The following FOXP2 variants were observed in gnomAD, a reference collection of about 807,000 sequenced individuals.
The protein encoded by FOXP2 is forkhead box P2.
FOXP2 carries 12 observed loss-of-function variants against 115.8 expected under a neutral mutation model. The ratio of observed to expected loss-of-function variants is 0.10; its 90% CI spans 0.07 to 0.17. The LOEUF (loss-of-function observed/expected upper bound fraction) is 0.17. Ranked by LOEUF, FOXP2 falls within the 10% of genes least tolerant of loss-of-function variation. The pLI is 1.00. For synonymous variants in FOXP2, 328 were observed against 297.7 expected (o/e 1.10, Z -1.05); for missense variants, 629 against 843.5 (o/e 0.75, Z 3.15).
chr7:114,569,018 T>C (rs1296063115), intron 3 of FOXP2, among the ~76,000 whole-genome samples: 4 of 151,964 alleles, frequency 2.6e-5, no homozygotes, highest in Admixed American at 1.3e-4. Flanking sequence ...TAGAGTTTAA[T>C]TTTCAGTATT....
upstream of FOXP2, among the ~76,000 whole-genome samples, chr7:114,159,398 G>A (rs553800843): frequency 1.6e-4 from 25 of 151,718 alleles, no homozygotes; most frequent in East Asian, 3.5e-3. Context: ...CTCTGAGAAC[G>A]TCTATATAAA....
At chr7:114,408,791 A>T (rs1305092037) in intron 2 of FOXP2, among the ~76,000 whole-genome samples, 1 of 152,092 alleles carries the variant, frequency 6.6e-6, no homozygotes, top group Non-Finnish European at 1.5e-5. Context: ...TTATCTTTTC[A>T]TATCAGCAGT....
At chr7:114,202,777 A>T (rs1033382578) in intron 1 of FOXP2, among the ~76,000 whole-genome samples, 10 of 152,168 alleles carry the variant, frequency 6.6e-5, no homozygotes, top group Non-Finnish European at 8.8e-5. Context: ...CGTTTTGAGG[A>T]TTAAATGAGA....
intron 2 of FOXP2, among the ~76,000 whole-genome samples, chr7:114,348,439 G>A (rs941319112): frequency 2.0e-5 from 3 of 150,978 alleles, no homozygotes; most frequent in East Asian, 1.9e-4. Flanking sequence ...GTTCAAATTC[G>A]TCTCCCATAG....
At chr7:114,532,770 A>G (rs1436139191) in intron 2 of FOXP2, among the ~76,000 whole-genome samples, 1 of 151,882 alleles carries the variant, frequency 6.6e-6, no homozygotes. Flanking sequence ...GAAAAGAAAA[A>G]AAAACTACAT....
At chr7:114,525,335 G>A (rs574078936) in intron 2 of FOXP2, among the ~76,000 whole-genome samples, 1 of 152,208 alleles carries the variant, frequency 6.6e-6, no homozygotes, top group South Asian at 2.1e-4. Flanking sequence ...ATCCTCTCTG[G>A]CTTCACAAAT....
rs889178260 is a variant in FOXP2 at position 114,642,557 on chromosome 7, C to T, written c.923C>T (p.Ser308Leu). Residue 308 changes from serine to leucine, a missense_variant, in exon 7 of 17, where the codon TCA (serine) becomes TTA (leucine). Physicochemically the swap from Ser to Leu is moderately radical, Grantham distance 145. This residue lies in a region of FOXP2 where 92 missense variants were observed against 80.1 expected (regional missense o/e 1.15). Transcript: ENST00000350908. ...ACCTCCTCCAACACTTCCAAAGCAT[C>T]ACCACCAATAACTCATCATTCCATA... ...STTSSNTSKA[S>L]PPITHHSIVN... 22 of 1,613,718 alleles carry T rather than the reference C, an allele frequency of 1.4e-5. No individual in the cohort carries two copies. Among genetic ancestry groups the T allele is most frequent in the Non-Finnish European group, 1.8e-5 (21 of 1,179,944 alleles).
chr7:114,528,062 C>A (rs1435880001), intron 2 of FOXP2, among the ~76,000 whole-genome samples: 1 of 152,042 alleles, frequency 6.6e-6, no homozygotes, highest in Non-Finnish European at 1.5e-5. Flanking sequence ...TGCTATATAA[C>A]ATGAAGACTC....
intron 8 of FOXP2, among the ~76,000 whole-genome samples, chr7:114,647,125 CTTTAA>C (rs1805957804): frequency 6.6e-6 from 1 of 151,818 alleles, no homozygotes; most frequent in South Asian, 2.1e-4. Flanking sequence ...ACAGCTTCGA[CTTTAA>C]TTTGATATCA....
chr7:114,170,146 TC>T (rs1793099246), intron 1 of FOXP2, among the ~76,000 whole-genome samples: 1 of 152,212 alleles, frequency 6.6e-6, no homozygotes. Flanking sequence ...ATGAAACTTT[TC>T]ATGTTATTAT....
intron 3 of FOXP2, among the ~76,000 whole-genome samples, chr7:114,603,401 C>T (rs1049837343): frequency 3.3e-5 from 5 of 152,220 alleles, no homozygotes; most frequent in Non-Finnish European, 7.3e-5. Context: ...TGATTTGCCT[C>T]CTCAGGATGA....
chr7:114,661,403 G>C (rs1331939614), intron 13 of FOXP2, among the ~76,000 whole-genome samples: 1 of 151,892 alleles, frequency 6.6e-6, no homozygotes, highest in Non-Finnish European at 1.5e-5. Context: ...TAATCATTAT[G>C]GGAAGAAAAT....
chr7:114,397,945 A>T (rs997042193), intron 2 of FOXP2, among the ~76,000 whole-genome samples: 1 of 152,196 alleles, frequency 6.6e-6, no homozygotes, highest in African/African-American at 2.4e-5. Flanking sequence ...CCAGCAGTTT[A>T]TATGAAAGAA....
intron 1 of FOXP2, among the ~76,000 whole-genome samples, chr7:114,172,394 T>C (rs1189083106): frequency 6.6e-6 from 1 of 152,184 alleles, no homozygotes; most frequent in African/African-American, 2.4e-5. Context: ...ATTTTTATGG[T>C]AGTGCAGCCA....
chr7:114,127,459 G>A (rs938152146), intron 1 of FOXP2, among the ~76,000 whole-genome samples: 1 of 152,240 alleles, frequency 6.6e-6, no homozygotes, highest in Non-Finnish European at 1.5e-5. Context: ...GGGTGCATAG[G>A]CCTATTCTAT....
rs763871589 is a variant in FOXP2, at chr7:114,628,693, T to C, written c.396+16T>C. ...GCTGCAGCAGGTAATGTGGGTTACC[T>C]GCTTTGGTGTTCTAGCATGACTTAG... On this transcript the variant is annotated intron_variant, in intron 4 of 16. Coordinates refer to ENST00000350908, the MANE Select transcript of FOXP2 (RefSeq NM_014491.4). The C allele has an allele frequency of 6.2e-7, 1 of 1,613,914 alleles. No homozygotes were observed.
rs553210241 is a variant in FOXP2, at chr7:114,692,200, A to T, written c.*2274A>T. On this transcript the variant is annotated 3_prime_UTR_variant, in exon 17 of 17. Transcript: ENST00000350908. Reference sequence around the variant, plus strand: ...GTTCAAAAGGCTTTGAGGGACTGGAAGTAACTGCGAGAGTTGTACCATCAG... The same window carrying T: ...GTTCAAAAGGCTTTGAGGGACTGGATGTAACTGCGAGAGTTGTACCATCAG... 72 of 453,990 alleles carry T rather than the reference A, an allele frequency of 1.6e-4. No homozygotes were observed. The highest frequency in any genetic ancestry group is 1.3e-3 in the African/African-American group (65 of 50,110). 28.1% of individuals were successfully genotyped at this position (453,990 alleles called of 1,614,324 possible). A position where few individuals can be genotyped will look rare whatever the true frequency, so the allele number is the denominator to read the frequency against.
intron 2 of FOXP2, among the ~76,000 whole-genome samples, chr7:114,469,382 C>T (rs1446814445): frequency 6.6e-6 from 1 of 152,158 alleles, no homozygotes; most frequent in Non-Finnish European, 1.5e-5. Context: ...TTTTTTGGGT[C>T]AATGCTTTCT....
At chr7:114,157,885 A>G (rs1166970322) in intron 1 of FOXP2, among the ~76,000 whole-genome samples, 1 of 152,116 alleles carries the variant, frequency 6.6e-6, no homozygotes, top group African/African-American at 2.4e-5. Context: ...AGAGGGAAAA[A>G]CTATCATTAT....
Sources: gnomAD v4.1 joint callset for allele counts (sites outside exome capture counted in the v4.1 genomes callset) on GRCh38, gnomAD v4.1.1 for gene constraint, gnomAD v4.1.1 regional missense constraint, MANE v1.5 for transcripts, NCBI Gene and HGNC (gene_info 2026-07-23, HGNC 2026-07-21) for gene names.